The following EXOC5 variants were observed in gnomAD, a reference collection of about 807,000 sequenced individuals.
The protein encoded by EXOC5 is exocyst complex component 5.
A neutral mutation model predicts 90.8 loss-of-function variants in EXOC5; 17 were observed. The ratio of observed to expected loss-of-function variants is 0.19; its 90% CI spans 0.13 to 0.28. The LOEUF (loss-of-function observed/expected upper bound fraction) is 0.28. Among genes scored for constraint, EXOC5 ranks in the 10% least tolerant of loss-of-function variants. EXOC5 has a pLI of 1.00. For missense variants in EXOC5, 569 were observed against 830.6 expected (o/e 0.69, Z 3.87); for synonymous variants, 260 against 270.0 (o/e 0.96, Z 0.36).
intron 1 of EXOC5, among the ~76,000 whole-genome samples, chr14:57,261,677 T>C (rs1405269535): frequency 6.6e-6 from 1 of 152,228 alleles, no homozygotes; most frequent in Non-Finnish European, 1.5e-5. Flanking sequence ...CAGGGAAACC[T>C]GGTCTCTGCT....
intron 6 of EXOC5, 31 bp downstream of exon 6, chr14:57,237,307 A>G: frequency 1.7e-6 from 2 of 1,159,052 alleles, no homozygotes; most frequent in Non-Finnish European, 2.5e-6. Context: ...TTTACTTATT[A>G]AAAAAAAGGT....
chr14:57,248,879 G>A (rs908404576), intron 1 of EXOC5, among the ~76,000 whole-genome samples: 1 of 152,098 alleles, frequency 6.6e-6, no homozygotes, highest in Admixed American at 6.5e-5. Context: ...AACATATTTA[G>A]ATAATCAGCC....
intron 9 of EXOC5, 27 bp from the exon 10 acceptor site, chr14:57,232,776 T>C: frequency 2.8e-6 from 3 of 1,059,846 alleles, no homozygotes; most frequent in Non-Finnish European, 4.2e-6. Context: ...AACATTCTGT[T>C]AATTAGGTAA....
intron 1 of EXOC5, among the ~76,000 whole-genome samples, chr14:57,265,882 T>C (rs1282269711): frequency 1.3e-5 from 2 of 152,212 alleles, no homozygotes; most frequent in Admixed American, 6.5e-5. Flanking sequence ...TCAACAAAAG[T>C]TGAAACTAAG....
intron 4 of EXOC5, chr14:57,243,761 T>C (rs1274962919): frequency 6.4e-6 from 1 of 156,050 alleles, no homozygotes; most frequent in Non-Finnish European, 1.4e-5. Context: ...TCTGAATTCC[T>C]TATTGCTTTA....
At chr14:57,215,460 A>G (rs1367008422) in intron 15 of EXOC5, among the ~76,000 whole-genome samples, 1 of 152,270 alleles carries the variant, frequency 6.6e-6, no homozygotes, top group East Asian at 1.9e-4. Context: ...TGAAAGGATC[A>G]TACACCATAA....
rs777313493 is a variant in EXOC5 at position 57,209,661 on chromosome 14, T to C, written c.1844A>G (p.Tyr615Cys). 40 of 1,613,034 alleles carry C rather than the reference T, an allele frequency of 2.5e-5. No individual in the cohort carries two copies. The highest frequency in any genetic ancestry group is 5.0e-5 in the Admixed American group (3 of 59,940). ...ELGVRFHRLI[Y>C]EHLQQYSYSC... Reference sequence around the variant, plus strand: ...GTAGGAATATTGTTGAAGATGCTCATAGATAAGTCGATGAAAACGTACTCC... The same window carrying C: ...GTAGGAATATTGTTGAAGATGCTCACAGATAAGTCGATGAAAACGTACTCC... Residue 615 changes from tyrosine to cysteine, a missense_variant, in exon 17 of 18, where the codon TAT (tyrosine) becomes TGT (cysteine). Physicochemically the swap from Tyr to Cys is radical, Grantham distance 194. This residue lies in a region of EXOC5 where 122 missense variants were observed against 180.0 expected (regional missense o/e 0.68). Transcript: ENST00000621441.
chr14:57,246,523 T>A (rs547192732), intron 3 of EXOC5, among the ~76,000 whole-genome samples, 188 bp downstream of exon 3: 1 of 152,306 alleles, frequency 6.6e-6, no homozygotes, highest in African/African-American at 2.4e-5. Context: ...ACCAACACTC[T>A]GTGGAAAGCC....
At chr14:57,242,197 A>AAC (rs149802113) in intron 4 of EXOC5, among the ~76,000 whole-genome samples, 5,052 of 151,750 alleles carry the variant, frequency 0.033, 293 homozygotes, top group African/African-American at 0.12. Flanking sequence ...GACAGAGGTA[A>AAC]ACACATAATA....
chr14:57,258,443 AG>A (rs1463600009), intron 1 of EXOC5, among the ~76,000 whole-genome samples: 1 of 152,232 alleles, frequency 6.6e-6, no homozygotes, highest in East Asian at 1.9e-4. Context: ...AAACTCACAC[AG>A]GAACAGAAAA....
intron 1 of EXOC5, among the ~76,000 whole-genome samples, chr14:57,249,635 T>C (rs1884130598): frequency 6.6e-6 from 1 of 152,112 alleles, no homozygotes; most frequent in African/African-American, 2.4e-5. Flanking sequence ...GGGAAAAATC[T>C]CTGCTCCTCT....
Position 57,232,718 on chromosome 14 carries a change from C to A in EXOC5, c.887G>T (p.Arg296Met). 6.5e-7 allele frequency: 1 copy of A among 1,548,110 alleles called. No homozygotes were observed. ...GAGATATTGCTCTGCATCGGACTTCCTACATTCTTCTAACTGCTCTTTCAC... is the reference window on the plus strand; with the variant it reads ...GAGATATTGCTCTGCATCGGACTTCATACATTCTTCTAACTGCTCTTTCAC... The part of the protein sequence containing the change: ...SFVKEQLEEC[R>M]KSDAEQYLKN... The change falls in exon 10 of 18, where the codon AGG becomes ATG. Residue 296 changes from arginine (R) to methionine (M), a missense_variant. This residue lies in a region of EXOC5 where 114 missense variants were observed against 111.2 expected (regional missense o/e 1.03). Coordinates refer to ENST00000621441, the MANE Select transcript of EXOC5 (RefSeq NM_006544.4).
chr14:57,263,564 G>A (rs1414199707), intron 1 of EXOC5, among the ~76,000 whole-genome samples: 2 of 151,284 alleles, frequency 1.3e-5, no homozygotes, highest in African/African-American at 4.9e-5. Flanking sequence ...TCAGGAGTTC[G>A]AGACCAGCCT....
intron 4 of EXOC5, among the ~76,000 whole-genome samples, chr14:57,243,920 A>T (rs1883952799): frequency 6.6e-6 from 1 of 152,222 alleles, no homozygotes; most frequent in Non-Finnish European, 1.5e-5. Flanking sequence ...CTACCACAGC[A>T]TTTTTAAGCC....
At chr14:57,247,311 A>G (rs1159104173) in intron 2 of EXOC5, among the ~76,000 whole-genome samples, 1 of 152,204 alleles carries the variant, frequency 6.6e-6, no homozygotes. Context: ...AAATATATTT[A>G]AAACAATGTA....
Position 57,263,240 on chromosome 14 carries a change from G to A in EXOC5, c.27+5382C>T, listed in dbSNP as rs188580209. 2.6e-5 allele frequency among the ~76,000 whole-genome samples: 4 copies of A among 152,196 alleles called. No individual in the cohort carries two copies. In the East Asian group the frequency reaches 7.7e-4, roughly 29 times the overall value. ...ATCCCAGCACCTTGGGAGGCCCTAG[G>A]TGGGAGGACCACTTGTGTCCTGGAG... On this transcript the variant is annotated intron_variant, in intron 1 of 17. Transcript: ENST00000621441.
chr14:57,247,026 A>C (rs1280949118), intron 2 of EXOC5, among the ~76,000 whole-genome samples, 168 bp from the exon 3 acceptor site: 1 of 152,170 alleles, frequency 6.6e-6, no homozygotes, highest in Non-Finnish European at 1.5e-5. Flanking sequence ...TCAAAAGATA[A>C]AGTCTTTCTG....
Position 57,208,644 on chromosome 14 carries a change from A to T in EXOC5, c.2092T>A (p.Tyr698Asn). ...TGTCGAGCAAGGCGGGCAGATCTAT[A>T]ATCAGCACGAAGTTGTACGAAGGAG... ...LHSFVQLRAD[Y>N]RSARLARHFS The change falls in exon 18 of 18, where the codon TAT becomes AAT. Residue 698 changes from tyrosine to asparagine, a missense_variant. Transcript: ENST00000621441. The T allele has an allele frequency of 6.2e-7, 1 of 1,609,888 alleles. No homozygotes were observed. The highest frequency in any genetic ancestry group is 8.5e-7 in the Non-Finnish European group (1 of 1,177,822).
intron 1 of EXOC5, among the ~76,000 whole-genome samples, chr14:57,265,200 C>T (rs1463762724): frequency 1.3e-5 from 2 of 151,252 alleles, no homozygotes; most frequent in Non-Finnish European, 2.9e-5. Context: ...TTGAGACATG[C>T]AGCCTCGTCA....
Sources: allele counts gnomAD v4.1 joint callset (sites outside exome capture counted in the v4.1 genomes callset), GRCh38; gene constraint gnomAD v4.1.1; regional missense constraint gnomAD v4.1.1; transcripts MANE v1.5; gene names NCBI Gene and HGNC (gene_info 2026-07-23, HGNC 2026-07-21).